TMEM276: variants seen among roughly 807,000 people sequenced by gnomAD.
TMEM276 encodes transmembrane protein 276.
At chr8:144,464,317 A>T in the TMEM276 span, 5 of 1,613,036 alleles carry the variant, frequency 3.1e-6, no homozygotes, top group Non-Finnish European at 4.2e-6. Flanking sequence ...GAAGACAGCT[A>T]CAATGAGGAT....
chr8:144,464,776 G>C, the TMEM276 span: 2 of 1,610,450 alleles, frequency 1.2e-6, no homozygotes, highest in South Asian at 1.1e-5. Context: ...GGAGGTATGG[G>C]GATGCGCCCC....
At chr8:144,466,778 G>A in the TMEM276 span, 2 of 1,532,886 alleles carry the variant, frequency 1.3e-6, no homozygotes, top group Admixed American at 1.9e-5. Flanking sequence ...CAAGCCCCGG[G>A]GTCGCCGGCG....
At chr8:144,465,388 G>A in the TMEM276 span, 13 of 1,028,192 alleles carry the variant, frequency 1.3e-5, no homozygotes, top group Non-Finnish European at 1.3e-5. Flanking sequence ...GCGAGCGGGA[G>A]GCCCGAGCCT....
the TMEM276 span, chr8:144,466,954 G>A: frequency 2.5e-6 from 4 of 1,590,430 alleles, no homozygotes; most frequent in East Asian, 6.7e-5. Context: ...CTCCCTGACC[G>A]GCAGCCAGCT....
chr8:144,465,113 C>A, the TMEM276 span: 1 of 1,485,188 alleles, frequency 6.7e-7, no homozygotes, highest in Non-Finnish European at 9.0e-7. Flanking sequence ...AGAAGAAGAA[C>A]CTAATTCAGC....
chr8:144,464,108 G>C, the TMEM276 span: 1 of 1,595,978 alleles, frequency 6.3e-7, no homozygotes, highest in Non-Finnish European at 8.6e-7. Flanking sequence ...CAGAAACCCT[G>C]CCTGGCTGTA....
At chr8:144,466,176 T>G in the TMEM276 span, 1 of 170,070 alleles carries the variant, frequency 5.9e-6, no homozygotes, top group Non-Finnish European at 1.2e-5. Flanking sequence ...CTCAGCCCGG[T>G]GTCCGCGGTG....
chr8:144,465,269 C>G, the TMEM276 span: 4 of 1,107,746 alleles, frequency 3.6e-6, no homozygotes, highest in Non-Finnish European at 4.6e-6. Flanking sequence ...CTGCTCCCTG[C>G]GTTCCGGGAG....
the TMEM276 span, chr8:144,464,471 C>G: frequency 6.2e-7 from 1 of 1,612,316 alleles, no homozygotes; most frequent in South Asian, 1.1e-5. Flanking sequence ...CAGTGGAAAT[C>G]GAAGGCCAGA....
chr8:144,465,407 C>G, the TMEM276 span: 6 of 1,015,332 alleles, frequency 5.9e-6, no homozygotes, highest in South Asian at 3.6e-5. Context: ...CTGCGCAACG[C>G]ACCGCCCACC....
At chr8:144,466,818 C>A in the TMEM276 span, 2 of 1,537,202 alleles carry the variant, frequency 1.3e-6, no homozygotes, top group Non-Finnish European at 8.7e-7. Context: ...GAGCTGTGGA[C>A]CGAGCTGACC....
the TMEM276 span, chr8:144,466,437 G>A: frequency 1.5e-6 from 2 of 1,356,638 alleles, no homozygotes; most frequent in South Asian, 1.6e-5. Flanking sequence ...CCTTTTACTC[G>A]TTGCTCATCT....
At chr8:144,464,389 T>C in the TMEM276 span, 1 of 1,608,860 alleles carries the variant, frequency 6.2e-7, no homozygotes, top group Non-Finnish European at 8.5e-7. Flanking sequence ...AGGGCCGAGG[T>C]GGCCGCCAGC....
At chr8:144,463,979 C>T in the TMEM276 span, 1 of 1,509,522 alleles carries the variant, frequency 6.6e-7, no homozygotes, top group Non-Finnish European at 8.8e-7. Context: ...AAGGACAGCA[C>T]CCAGACTCTG....
At chr8:144,463,965 G>A in the TMEM276 span, 7 of 1,498,446 alleles carry the variant, frequency 4.7e-6, no homozygotes, top group African/African-American at 1.4e-5. Context: ...CCCACACGTG[G>A]CCAAAGGACA....
the TMEM276 span, chr8:144,464,887 C>T: frequency 2.7e-5 from 44 of 1,612,120 alleles, no homozygotes; most frequent in Middle Eastern, 5.0e-4. Flanking sequence ...ACTCGGCCCC[C>T]GGCTTGGGGG....
chr8:144,466,766 C>A, the TMEM276 span: 1 of 1,531,168 alleles, frequency 6.5e-7, no homozygotes, highest in Non-Finnish European at 8.7e-7. Flanking sequence ...CTAGAGAGCC[C>A]GCAAGCCCCG....
chr8:144,464,091 G>A, the TMEM276 span: 3 of 1,578,356 alleles, frequency 1.9e-6, no homozygotes, highest in Admixed American at 1.7e-5. Context: ...GAAAGTGTTC[G>A]GCAGGGCAGA....
the TMEM276 span, chr8:144,464,901 T>C: frequency 1.2e-6 from 2 of 1,611,654 alleles, no homozygotes; most frequent in Non-Finnish European, 1.7e-6. Flanking sequence ...TTGGGGGCCA[T>C]GGCACCTCAG....
Sources: allele counts gnomAD v4.1 joint callset, GRCh38; gene constraint gnomAD v4.1.1; transcripts MANE v1.5; gene names NCBI Gene and HGNC (gene_info 2026-07-23, HGNC 2026-07-21).